The following SYNE2 variants were observed in gnomAD, a reference collection of about 807,000 sequenced individuals.
The protein encoded by SYNE2 is spectrin repeat containing nuclear envelope protein 2.
In SYNE2, 431 loss-of-function variants were observed where a neutral mutation model predicts 856.3. That is an observed-to-expected ratio of 0.50 (90% CI 0.47 to 0.55). The LOEUF (loss-of-function observed/expected upper bound fraction) is 0.55, where lower values mean the gene tolerates loss of function less well. Ranked by LOEUF, SYNE2 falls within the 20% of genes least tolerant of loss-of-function variation. SYNE2 has a pLI of 0.00. For missense variants in SYNE2, 8,129 were observed against 8,023.2 expected, an observed-to-expected ratio of 1.01 and a Z score of -0.50; for synonymous variants, 2,923 against 2,872.3, an observed-to-expected ratio of 1.02 and a Z score of -0.56.
intron 1 of SYNE2, among the ~76,000 whole-genome samples, chr14:63,776,559 G>A (rs1307604522): frequency 1.3e-5 from 2 of 151,336 alleles, no homozygotes; most frequent in African/African-American, 4.9e-5. Flanking sequence ...GCAGAGCTTT[G>A]AAGATCACCC....
Position 64,065,442 on chromosome 14 carries a change from C to T in SYNE2, c.10223C>T (p.Ser3408Leu). Residue 3408 changes from serine to leucine, a missense_variant, in exon 51 of 116, where the codon TCA (serine) becomes TTA (leucine). Ser to Leu is a moderately radical substitution (Grantham distance 145, BLOSUM62 -2). Coordinates refer to ENST00000555002, the MANE Select transcript of SYNE2 (RefSeq NM_182914.3). ...CTTTTCTTTCTTAAGGCCTTGGTGT[C>T]AAATCTTATATCAACCAAAGAAGAG... is the stretch of plus-strand genomic sequence containing the variant. ...ERLEQSKALV[S>L]NLISTKEELM... The T allele has an allele frequency of 1.9e-6, 3 of 1,613,898 alleles. No homozygotes were observed. The highest frequency in any genetic ancestry group is 2.5e-6 in the Non-Finnish European group (3 of 1,179,984).
chr14:64,188,752 A>T (rs2098503683), intron 98 of SYNE2, 44 bp downstream of exon 98: 3 of 1,607,176 alleles, frequency 1.9e-6, no homozygotes, highest in Non-Finnish European at 2.6e-6. Flanking sequence ...ACTACCATGG[A>T]ATTGTCGGCC....
intron 2 of SYNE2, among the ~76,000 whole-genome samples, chr14:63,916,968 T>C (rs1276577323): frequency 1.3e-5 from 2 of 152,002 alleles, no homozygotes; most frequent in Non-Finnish European, 2.9e-5. Flanking sequence ...CATTCCCCTG[T>C]ACGTCCAGCT....
intron 1 of SYNE2, among the ~76,000 whole-genome samples, chr14:63,829,440 CAA>C (rs555113755): frequency 1.3e-5 from 2 of 151,516 alleles, no homozygotes; most frequent in South Asian, 4.2e-4. Flanking sequence ...CAAAAAAAAA[CAA>C]AAAAAGTCTA....
chr14:63,966,568 T>TCC (rs111600981), intron 10 of SYNE2, among the ~76,000 whole-genome samples: 6 of 146,758 alleles, frequency 4.1e-5, no homozygotes, highest in Admixed American at 1.4e-4. Flanking sequence ...CTCTTTTTTT[T>TCC]CCCCCCCCGA....
chr14:63,981,439 A>G (rs1202432572), intron 16 of SYNE2, among the ~76,000 whole-genome samples: 1 of 152,234 alleles, frequency 6.6e-6, no homozygotes, highest in Non-Finnish European at 1.5e-5. Context: ...TATAATTTAC[A>G]TACAGAGTAA....
chr14:64,038,988 CAG>C (rs1389958874), intron 45 of SYNE2, among the ~76,000 whole-genome samples: 1 of 152,114 alleles, frequency 6.6e-6, no homozygotes, highest in Non-Finnish European at 1.5e-5. Context: ...AGGAGAGTGA[CAG>C]AGATGAGGCC....
intron 99 of SYNE2, among the ~76,000 whole-genome samples, chr14:64,200,356 C>T (rs562490497): frequency 1.3e-5 from 2 of 152,138 alleles, no homozygotes; most frequent in African/African-American, 2.4e-5. Context: ...CCCCCACCCC[C>T]GGGAAGCTCT....
chr14:64,104,513 G>A (rs1476851404), intron 64 of SYNE2, among the ~76,000 whole-genome samples: 5 of 145,904 alleles, frequency 3.4e-5, no homozygotes, highest in South Asian at 2.2e-4. Context: ...GCAGTGGTGC[G>A]ATCTCAGCTC....
At chr14:64,188,850 T>C in intron 98 of SYNE2, 142 bp downstream of exon 98, 1 of 871,538 alleles carries the variant, frequency 1.1e-6, no homozygotes, top group South Asian at 1.4e-5. Context: ...CTATTTTCGA[T>C]CCTTTTGAGA....
intron 65 of SYNE2, among the ~76,000 whole-genome samples, chr14:64,111,942 A>G (rs747708468): frequency 1.3e-5 from 2 of 152,226 alleles, no homozygotes; most frequent in Non-Finnish European, 2.9e-5. Context: ...GAAGAAAATT[A>G]TAATAATAGA....
intron 6 of SYNE2, among the ~76,000 whole-genome samples, chr14:63,942,530 T>C (rs902984613): frequency 1.3e-5 from 2 of 151,454 alleles, no homozygotes; most frequent in Non-Finnish European, 1.5e-5. Context: ...AGTTTTGCTC[T>C]CGTTGCCCAG....
chr14:63,786,078 C>T (rs914167394), intron 1 of SYNE2, among the ~76,000 whole-genome samples: 5 of 151,860 alleles, frequency 3.3e-5, no homozygotes, highest in Admixed American at 6.6e-5. Flanking sequence ...TGGTGAATCC[C>T]GTCTCTACTA....
At chr14:64,182,365 TTTATTTTTTA>T (rs1365584659) in intron 96 of SYNE2, among the ~76,000 whole-genome samples, 3 of 151,720 alleles carry the variant, frequency 2.0e-5, no homozygotes, top group African/African-American at 7.3e-5. Context: ...AATTTATTTA[TTTATTTTTTA>T]TTTTTATTTT....
At chr14:64,136,470 G>A (rs1200432129) in intron 78 of SYNE2, among the ~76,000 whole-genome samples, 1 of 151,994 alleles carries the variant, frequency 6.6e-6, no homozygotes, top group Non-Finnish European at 1.5e-5. Flanking sequence ...GGCTATGGAC[G>A]TGGAATTTTT....
At chr14:64,180,088 C>T (rs972216531) in intron 96 of SYNE2, among the ~76,000 whole-genome samples, 2 of 152,118 alleles carry the variant, frequency 1.3e-5, no homozygotes, top group African/African-American at 2.4e-5. Flanking sequence ...TAATTTTATT[C>T]GTATGGATAG....
At chr14:64,020,209 C>T (rs942651880) in intron 35 of SYNE2, 116 bp downstream of exon 35, 18 of 737,786 alleles carry the variant, frequency 2.4e-5, no homozygotes, top group Admixed American at 7.6e-5. Flanking sequence ...AAGAAAAAAA[C>T]GGCCCAATTA....
At position 64,225,465 on chromosome 14, in the gene SYNE2, A is replaced by G; in HGVS notation, c.20663A>G (p.Asn6888Ser). The G allele has an allele frequency of 6.2e-7, 1 of 1,614,202 alleles. No individual in the cohort carries two copies. Among genetic ancestry groups the G allele is most frequent in the Non-Finnish European group, 8.5e-7 (1 of 1,180,026 alleles). The change falls in exon 116 of 116, where the codon AAC becomes AGC. Residue 6888 changes from asparagine (N) to serine (S), a missense_variant. By Grantham distance (46) the Asn-to-Ser change is conservative. Coordinates refer to ENST00000555002, the MANE Select transcript of SYNE2 (RefSeq NM_182914.3). ...SEEDYSCTQA[N>S]NFARSFYPML... ...GAAGACTACAGCTGCACTCAGGCCA[A>G]CAACTTTGCCCGGTCCTTTTACCCC...
intron 49 of SYNE2, among the ~76,000 whole-genome samples, chr14:64,056,901 G>A (rs145032487): frequency 6.6e-6 from 1 of 151,884 alleles, no homozygotes; most frequent in South Asian, 2.1e-4. Context: ...TGAACTCCCT[G>A]TTGTACTTTT....
Sources: allele counts gnomAD v4.1 joint callset (sites outside exome capture counted in the v4.1 genomes callset), GRCh38; gene constraint gnomAD v4.1.1; transcripts MANE v1.5; gene names NCBI Gene and HGNC (gene_info 2026-07-23, HGNC 2026-07-21).